Variants in CRB1 observed in about 807,000 individuals in gnomAD.
CRB1 encodes the protein protein crumbs homolog 1.
CRB1 carries 83 observed loss-of-function variants against 120.0 expected under a neutral mutation model. The ratio of observed to expected loss-of-function variants is 0.69; its 90% CI spans 0.58 to 0.83. The LOEUF is 0.83. Among genes scored for constraint, CRB1 ranks in the 40% least tolerant of loss-of-function variants. CRB1 has a pLI of 0.00. For synonymous variants in CRB1, 625 were observed against 612.5 expected (o/e 1.02, Z -0.30); for missense variants, 1,699 against 1,687.6 (o/e 1.01, Z -0.12).
chr1:197,434,817 C>CAG lies in CRB1; in HGVS notation c.2955_2956insGA (p.Asn986GlufsTer3). Reference sequence around the variant, plus strand: ...ACATTTGGTTTCAGAACAAGGGATGCAAATGTAATAATATTGCATGCAGAA... The same window carrying CAG: ...ACATTTGGTTTCAGAACAAGGGATGCAGAAATGTAATAATATTGCATGCAGAA... On this transcript the variant is annotated frameshift_variant, in exon 9 of 12. Transcript: ENST00000367400. LOFTEE classifies it high-confidence loss of function. The CAG allele has an allele frequency of 6.2e-7, 1 of 1,613,716 alleles. No individual in the cohort carries two copies. Among genetic ancestry groups the CAG allele is most frequent in the Non-Finnish European group, 8.5e-7 (1 of 1,179,746 alleles).
the CRB1 span, among the ~76,000 whole-genome samples, chr1:197,205,039 A>T: frequency 6.6e-6 from 1 of 152,156 alleles, no homozygotes; most frequent in Non-Finnish European, 1.5e-5. Context: ...AAAGGGTTTG[A>T]GTTACTGATT....
the CRB1 span, among the ~76,000 whole-genome samples, chr1:197,202,487 T>C: frequency 6.6e-6 from 1 of 151,936 alleles, no homozygotes; most frequent in Non-Finnish European, 1.5e-5. Flanking sequence ...AACAAGTATA[T>C]TTAAAGAAAT....
At chr1:197,419,914 G>GCA (rs1213703178) in intron 5 of CRB1, among the ~76,000 whole-genome samples, 1 of 150,846 alleles carries the variant, frequency 6.6e-6, no homozygotes, top group Admixed American at 6.6e-5. Context: ...GGCAGAGCTT[G>GCA]CAGTGAGCCA....
chr1:197,433,368 T>C (rs1004616908), intron 8 of CRB1, among the ~76,000 whole-genome samples: 1 of 152,118 alleles, frequency 6.6e-6, no homozygotes, highest in Non-Finnish European at 1.5e-5. Flanking sequence ...CCTGATAATG[T>C]ATTAATAGTG....
At chr1:197,368,230 T>G (rs1395585349) in intron 5 of CRB1, among the ~76,000 whole-genome samples, 1 of 152,178 alleles carries the variant, frequency 6.6e-6, no homozygotes, top group Non-Finnish European at 1.5e-5. Flanking sequence ...ACTTACAATT[T>G]CAAATTTGAG....
intron 11 of CRB1, among the ~76,000 whole-genome samples, chr1:197,446,415 G>T (rs61829435): frequency 2.6e-5 from 4 of 152,152 alleles, no homozygotes; most frequent in Non-Finnish European, 4.4e-5. Context: ...GGGCTGGAGA[G>T]GTTGTGCACT....
chr1:197,454,962 G>T (rs187247474), intron 11 of CRB1, among the ~76,000 whole-genome samples: 1 of 152,056 alleles, frequency 6.6e-6, no homozygotes, highest in East Asian at 1.9e-4. Flanking sequence ...ACATAGCTTC[G>T]TACATAAGAG....
At chr1:197,302,949 C>A (rs1452780570) in intron 1 of CRB1, among the ~76,000 whole-genome samples, 1 of 152,146 alleles carries the variant, frequency 6.6e-6, no homozygotes, top group African/African-American at 2.4e-5. Flanking sequence ...CAAGGCACCA[C>A]AAATCACACA....
intron 1 of CRB1, among the ~76,000 whole-genome samples, chr1:197,299,852 T>C (rs1056403604): frequency 6.6e-6 from 1 of 151,766 alleles, no homozygotes; most frequent in Non-Finnish European, 1.5e-5. Context: ...AATTGAAAGT[T>C]TGTGGCAACT....
the CRB1 span, chr1:197,223,282 G>T: frequency 5.9e-6 from 5 of 852,270 alleles, no homozygotes; most frequent in African/African-American, 1.7e-5. Context: ...AATTAGAAAA[G>T]GGGTTTGGAA....
chr1:197,407,244 TAATGA>T, intron 5 of CRB1, among the ~76,000 whole-genome samples: 1 of 152,328 alleles, frequency 6.6e-6, no homozygotes, highest in Non-Finnish European at 1.5e-5. Context: ...ATGAAGGACA[TAATGA>T]AATCTACTCA....
At chr1:197,370,728 G>T (rs1446804385) in intron 5 of CRB1, among the ~76,000 whole-genome samples, 1 of 152,164 alleles carries the variant, frequency 6.6e-6, no homozygotes, top group Admixed American at 6.5e-5. Context: ...TCATGTTGAA[G>T]TACATGTCTT....
intron 5 of CRB1, among the ~76,000 whole-genome samples, chr1:197,400,151 G>A (rs927036565): frequency 6.6e-6 from 1 of 151,998 alleles, no homozygotes; most frequent in African/African-American, 2.4e-5. Context: ...ATTATACATG[G>A]CAAGTGCTCA....
At chr1:197,461,456 T>C (rs1666527092) in intron 11 of CRB1, among the ~76,000 whole-genome samples, 1 of 152,036 alleles carries the variant, frequency 6.6e-6, no homozygotes, top group Non-Finnish European at 1.5e-5. Context: ...ATGAGAGCCA[T>C]GAAGGTGATG....
chr1:197,229,164 G>A, the CRB1 span, among the ~76,000 whole-genome samples: 2 of 152,112 alleles, frequency 1.3e-5, no homozygotes, highest in African/African-American at 4.8e-5. Context: ...AAATAAATGA[G>A]AAATAAATAG....
chr1:197,215,412 G>A, the CRB1 span, among the ~76,000 whole-genome samples: 1 of 151,830 alleles, frequency 6.6e-6, no homozygotes, highest in East Asian at 1.9e-4. Context: ...TGAGTAGCTG[G>A]CATAATAGGC....
intron 5 of CRB1, among the ~76,000 whole-genome samples, chr1:197,408,824 A>G (rs542940267): frequency 6.6e-6 from 1 of 152,328 alleles, no homozygotes; most frequent in East Asian, 1.9e-4. Flanking sequence ...CTCTGAAATT[A>G]CTTTTCAAAG....
rs776214616 is a variant in CRB1, at chr1:197,435,594, T to G, written c.3731T>G (p.Phe1244Cys). 6.2e-7 allele frequency: 1 copy of G among 1,612,700 alleles called. No individual in the cohort carries two copies. The highest frequency in any genetic ancestry group is 1.1e-5 in the South Asian group (1 of 90,906). The change falls in exon 9 of 12, where the codon TTT becomes TGT. Residue 1244 changes from phenylalanine (F) to cysteine (C), a missense_variant. Physicochemically the swap from Phe to Cys is radical, Grantham distance 205 (BLOSUM62 -2). Transcript: ENST00000367400. ...NGYSCLCFGNFTGKFCRQSRL... is the reference protein window; with the variant it reads ...NGYSCLCFGNCTGKFCRQSRL... The stretch of plus-strand genomic sequence containing the variant: ...TATTCTTGCCTCTGTTTTGGAAATT[T>G]TACAGGAAAATTTTGCAGGTGAGCA...
intron 11 of CRB1, chr1:197,477,434 A>G (rs1431032631): frequency 8.2e-6 from 5 of 606,746 alleles, no homozygotes; most frequent in Non-Finnish European, 1.2e-5. Flanking sequence ...TATAGTAGGT[A>G]TTTCATGCCA....
Sources: allele counts gnomAD v4.1 joint callset (sites outside exome capture counted in the v4.1 genomes callset), GRCh38; gene constraint gnomAD v4.1.1; transcripts MANE v1.5; gene names NCBI Gene and HGNC (gene_info 2026-07-23, HGNC 2026-07-21).